Variants in KCNH7 observed in about 807,000 individuals in gnomAD.
KCNH7 encodes the protein voltage-gated inwardly rectifying potassium channel KCNH7.
Under a neutral mutation model 120.8 loss-of-function variants are expected in KCNH7, and 49 were observed. The ratio of observed to expected loss-of-function variants is 0.41; its 90% confidence interval spans 0.32 to 0.51. KCNH7 has a LOEUF of 0.51. Ranked by LOEUF, KCNH7 falls within the 20% of genes least tolerant of loss-of-function variation. The pLI is 0.38. For missense variants in KCNH7, 1,097 were observed against 1,446.6 expected (o/e 0.76, Z 3.92); for synonymous variants, 547 against 516.1 (o/e 1.06, Z -0.81).
At position 162,419,274 on chromosome 2, in the gene KCNH7, T is replaced by TAAAAA. The variant is rs758417385; in HGVS notation, c.2154+4057_2154+4061dup. Among the ~76,000 whole-genome samples the TAAAAA allele has an allele frequency of 1.9e-3, 119 of 61,874 alleles. 2 individuals carry two copies. The highest frequency in any genetic ancestry group is 6.2e-3 in the African/African-American group (104 of 16,844). The allele number at this position is 61,874 out of a possible 152,430, so 40.6% of individuals were successfully genotyped here. On this transcript the variant is annotated intron_variant, in intron 9 of 15. Coordinates refer to ENST00000332142, the MANE Select transcript of KCNH7 (RefSeq NM_033272.4). The stretch of plus-strand genomic sequence containing the variant: ...AATTTCCTCCATTAATGTCCCAGGC[T>TAAAAA]AAAAAAAAAAAAAAAAAAAAAAAGC...
chr2:162,831,184 G>A (rs767146681), intron 2 of KCNH7, among the ~76,000 whole-genome samples: 4 of 152,042 alleles, frequency 2.6e-5, no homozygotes, highest in Admixed American at 6.6e-5. Context: ...TCCACAAAAC[G>A]GAGATAATAA....
chr2:162,485,482 T>A (rs1690062639), intron 6 of KCNH7, among the ~76,000 whole-genome samples: 1 of 152,252 alleles, frequency 6.6e-6, no homozygotes, highest in Non-Finnish European at 1.5e-5. Context: ...AACTTTATAC[T>A]GAACTCTCAT....
At chr2:162,754,917 C>T (rs367688441) in intron 2 of KCNH7, among the ~76,000 whole-genome samples, 17 of 152,030 alleles carry the variant, frequency 1.1e-4, no homozygotes, top group African/African-American at 3.4e-4. Context: ...AATAAATATA[C>T]GAATTTACTG....
In KCNH7 at chr2:162,380,628, C is replaced by T. The variant is rs1311263692; in HGVS notation, c.2963-607G>A. On this transcript the variant is annotated intron_variant, in intron 13 of 15. Transcript: ENST00000332142. ...TCATGTTTTAATGCTTTCTTGTAGC[C>T]CCTTCTGTGCTGCCCTTTACCATAA... Among the ~76,000 whole-genome samples the T allele has an allele frequency of 2.0e-5, 3 of 152,120 alleles. No homozygotes were observed. In the East Asian group the frequency reaches 5.8e-4, roughly 29 times the overall value.
intron 2 of KCNH7, among the ~76,000 whole-genome samples, chr2:162,592,277 A>T (rs1176442568): frequency 6.6e-6 from 1 of 152,092 alleles, no homozygotes; most frequent in Admixed American, 6.6e-5. Flanking sequence ...TATTAAGGCA[A>T]GGAGGCTGAT....
At chr2:162,415,196 C>T (rs1687504408) in intron 9 of KCNH7, among the ~76,000 whole-genome samples, 2 of 151,674 alleles carry the variant, frequency 1.3e-5, no homozygotes, top group African/African-American at 4.8e-5. Context: ...AACCAAAAAA[C>T]CTTTGAGCCT....
chr2:162,591,116 C>G (rs1414531329), intron 2 of KCNH7, among the ~76,000 whole-genome samples: 1 of 152,112 alleles, frequency 6.6e-6, no homozygotes, highest in African/African-American at 2.4e-5. Context: ...CTGTAAGGCT[C>G]AGCTAAACCC....
chr2:162,579,174 C>T (rs779859571), intron 2 of KCNH7, among the ~76,000 whole-genome samples: 3 of 151,946 alleles, frequency 2.0e-5, no homozygotes, highest in African/African-American at 7.2e-5. Context: ...TTACTTGTAT[C>T]GACTGAGCAG....
At chr2:162,492,404 G>C (rs1690340103) in intron 6 of KCNH7, among the ~76,000 whole-genome samples, 1 of 152,164 alleles carries the variant, frequency 6.6e-6, no homozygotes, top group Non-Finnish European at 1.5e-5. Flanking sequence ...CCACGTGGCA[G>C]TACTCTCTTT....
At chr2:162,719,579 G>T (rs1000206217) in intron 2 of KCNH7, among the ~76,000 whole-genome samples, 3 of 151,876 alleles carry the variant, frequency 2.0e-5, no homozygotes, top group Non-Finnish European at 4.4e-5. Context: ...TTTATTTTAT[G>T]ATATTAAAAA....
intron 15 of KCNH7, among the ~76,000 whole-genome samples, chr2:162,372,409 G>A (rs193004766): frequency 6.0e-4 from 91 of 152,166 alleles, no homozygotes; most frequent in African/African-American, 2.0e-3. Flanking sequence ...AGACAAATTG[G>A]GATGAGGAAT....
At chr2:162,442,847 C>T (rs1688469453) in intron 7 of KCNH7, among the ~76,000 whole-genome samples, 1 of 152,136 alleles carries the variant, frequency 6.6e-6, no homozygotes, top group Non-Finnish European at 1.5e-5. Context: ...CAGAATGAGA[C>T]CGTGTCTTAA....
chr2:162,568,812 T>C (rs2105894179), intron 2 of KCNH7, among the ~76,000 whole-genome samples: 1 of 152,200 alleles, frequency 6.6e-6, no homozygotes, highest in East Asian at 1.9e-4. Flanking sequence ...ATATTGCATG[T>C]ATAACATAAA....
intron 2 of KCNH7, among the ~76,000 whole-genome samples, chr2:162,671,589 A>T (rs1479450454): frequency 1.3e-5 from 2 of 152,108 alleles, no homozygotes; most frequent in African/African-American, 4.8e-5. Flanking sequence ...GAGGGATGAC[A>T]TACTACCTAC....
At chr2:162,762,419 T>A (rs564029166) in intron 2 of KCNH7, among the ~76,000 whole-genome samples, 2 of 151,788 alleles carry the variant, frequency 1.3e-5, no homozygotes, top group African/African-American at 4.8e-5. Flanking sequence ...ATGAAGGAGA[T>A]GTGGAGAGAA....
chr2:162,664,726 G>A (rs2105284573), intron 2 of KCNH7, among the ~76,000 whole-genome samples: 1 of 152,174 alleles, frequency 6.6e-6, no homozygotes, highest in East Asian at 1.9e-4. Flanking sequence ...GAAGTATTAG[G>A]TAGGGATGGG....
chr2:162,651,959 A>G (rs1440267951), intron 2 of KCNH7, among the ~76,000 whole-genome samples: 1 of 152,072 alleles, frequency 6.6e-6, no homozygotes, highest in Non-Finnish European at 1.5e-5. Flanking sequence ...GATCAGTGAT[A>G]TTGAGCTTTT....
intron 2 of KCNH7, among the ~76,000 whole-genome samples, chr2:162,559,642 T>C (rs745351119): frequency 5.9e-5 from 9 of 152,196 alleles, no homozygotes; most frequent in Non-Finnish European, 1.2e-4. Context: ...CACACTTCAT[T>C]GTAACCTCTT....
chr2:162,555,486 A>C (rs1197444257), intron 2 of KCNH7, among the ~76,000 whole-genome samples: 1 of 152,172 alleles, frequency 6.6e-6, no homozygotes, highest in Non-Finnish European at 1.5e-5. Flanking sequence ...GTTTCTTAGA[A>C]CCTAAGATTT....
Sources: gnomAD v4.1 joint callset for allele counts (sites outside exome capture counted in the v4.1 genomes callset) on GRCh38, gnomAD v4.1.1 for gene constraint, MANE v1.5 for transcripts, NCBI Gene and HGNC (gene_info 2026-07-23, HGNC 2026-07-21) for gene names.